TJP1: variants seen among roughly 807,000 people sequenced by gnomAD.
TJP1 encodes the protein tight junction protein 1, also known as tight junction protein ZO-1.
A neutral mutation model predicts 194.2 loss-of-function variants in TJP1; 43 were observed. The ratio of observed to expected loss-of-function variants is 0.22; its 90% CI spans 0.17 to 0.29. The LOEUF (loss-of-function observed/expected upper bound fraction) is 0.29. TJP1 is among the 10% of genes least tolerant of loss of function. TJP1 has a pLI of 1.00. For missense variants in TJP1, 1,971 were observed against 2,185.7 expected, an observed-to-expected ratio of 0.90 and a Z score of 1.96; for synonymous variants, 801 against 779.0, an observed-to-expected ratio of 1.03 and a Z score of -0.47.
At chr15:29,768,041 A>G (rs2046430355) in intron 4 of TJP1, among the ~76,000 whole-genome samples, 1 of 152,190 alleles carries the variant, frequency 6.6e-6, no homozygotes, top group African/African-American at 2.4e-5. Flanking sequence ...ATTCACCTGC[A>G]TGTTATCATC....
chr15:29,797,071 G>C (rs1207823126), intron 2 of TJP1, among the ~76,000 whole-genome samples: 2 of 152,112 alleles, frequency 1.3e-5, no homozygotes, highest in Non-Finnish European at 2.9e-5. Flanking sequence ...TTTTGGGTTT[G>C]GCAAAGATTT....
chr15:29,953,139 G>GTTTTTTT (rs1406936700), intron 2 of TJP1, among the ~76,000 whole-genome samples: 32 of 64,758 alleles, frequency 4.9e-4, no homozygotes, highest in Admixed American at 3.6e-3. Context: ...AAAGAAGACA[G>GTTTTTTT]ATTTTTTTTT....
At chr15:29,770,838 TTAAA>T (rs1340761659) in intron 4 of TJP1, among the ~76,000 whole-genome samples, 4 of 151,882 alleles carry the variant, frequency 2.6e-5, no homozygotes, top group African/African-American at 9.7e-5. Flanking sequence ...GAAAGAAGAC[TTAAA>T]TAAATTTTAT....
chr15:29,933,378 A>G (rs2054781731), intron 2 of TJP1, among the ~76,000 whole-genome samples: 1 of 152,228 alleles, frequency 6.6e-6, no homozygotes, highest in Admixed American at 6.5e-5. Context: ...AAGGAGCAGA[A>G]TAATATGTTG....
At chr15:29,948,032 C>G (rs1420479687) in intron 2 of TJP1, among the ~76,000 whole-genome samples, 1 of 152,090 alleles carries the variant, frequency 6.6e-6, no homozygotes, top group Non-Finnish European at 1.5e-5. Context: ...TTTGGGAGGC[C>G]AAGGTGGGCG....
chr15:29,873,898 A>G (rs1031621224), intron 2 of TJP1, among the ~76,000 whole-genome samples: 4 of 152,232 alleles, frequency 2.6e-5, no homozygotes, highest in African/African-American at 9.6e-5. Flanking sequence ...TTTGCTGAGA[A>G]CAAGAAGTAC....
chr15:29,807,450 G>A (rs969632492), intron 1 of TJP1, among the ~76,000 whole-genome samples: 2 of 152,146 alleles, frequency 1.3e-5, no homozygotes, highest in Non-Finnish European at 2.9e-5. Flanking sequence ...TCTTCTAAAG[G>A]TTGAAGATAG....
At chr15:29,746,515 G>A (rs1367587010) in intron 8 of TJP1, among the ~76,000 whole-genome samples, 1 of 152,104 alleles carries the variant, frequency 6.6e-6, no homozygotes, top group East Asian at 1.9e-4. Flanking sequence ...GTTTGCACAT[G>A]CCCATGTACA....
intron 2 of TJP1, among the ~76,000 whole-genome samples, chr15:29,867,227 C>G (rs185899041): frequency 6.6e-6 from 1 of 152,292 alleles, no homozygotes; most frequent in East Asian, 1.9e-4. Context: ...ACCAGACATG[C>G]TGTTTGTGGC....
intron 1 of TJP1, among the ~76,000 whole-genome samples, chr15:29,959,075 C>T (rs1265542678): frequency 6.6e-6 from 1 of 151,810 alleles, no homozygotes. Flanking sequence ...CTGCAAGCTC[C>T]GTCTCCTGGG....
At chr15:29,807,018 G>A (rs555075133) in intron 1 of TJP1, among the ~76,000 whole-genome samples, 1 of 152,140 alleles carries the variant, frequency 6.6e-6, no homozygotes, top group African/African-American at 2.4e-5. Flanking sequence ...AAAATAAGAA[G>A]GCAGCAACCA....
At chr15:29,933,675 T>C (rs2054791413) in intron 2 of TJP1, among the ~76,000 whole-genome samples, 1 of 152,046 alleles carries the variant, frequency 6.6e-6, no homozygotes, top group South Asian at 2.1e-4. Context: ...AGGTGGCAAA[T>C]CAAGCTTTTT....
At chr15:29,700,034 C>T (rs1015998165), downstream of TJP1, 1 of 349,238 alleles carries the variant, frequency 2.9e-6, no homozygotes, top group African/African-American at 2.1e-5. Flanking sequence ...GCATGCAACA[C>T]CAGACGACGA....
intron 1 of TJP1, among the ~76,000 whole-genome samples, chr15:29,806,623 AT>A (rs2049126776): frequency 6.6e-6 from 1 of 152,146 alleles, no homozygotes; most frequent in Non-Finnish European, 1.5e-5. Context: ...GCTTTTTTCC[AT>A]CCAAATTGAA....
Position 29,719,897 on chromosome 15 carries a change from T to C in TJP1, c.2883A>G (p.Pro961=), listed in dbSNP as rs751924988. ...LTNVRLEEPT[P]APSTSYSPQA... ...GTGGTGAGTAAGAGGTGGAAGGAGC[T>C]GGGGTGGGCTCCTCCAGTCTGACAT... is the stretch of plus-strand genomic sequence containing the variant. Residue 961 remains proline, a synonymous_variant, in exon 20 of 28, where the codon CCA becomes CCG. Coordinates refer to ENST00000614355, the MANE Select transcript of TJP1 (RefSeq NM_001330239.4). 3 of 1,613,924 alleles carry C rather than the reference T, an allele frequency of 1.9e-6. No individual in the cohort carries two copies. Among genetic ancestry groups the C allele is most frequent in the Non-Finnish European group, 2.5e-6 (3 of 1,180,004 alleles).
At chr15:29,926,300 T>C (rs934711027) in intron 2 of TJP1, among the ~76,000 whole-genome samples, 1 of 152,128 alleles carries the variant, frequency 6.6e-6, no homozygotes, top group Non-Finnish European at 1.5e-5. Flanking sequence ...CATGAACCTA[T>C]CAAATAGTAA....
At chr15:29,778,048 A>C (rs949718994) in intron 2 of TJP1, among the ~76,000 whole-genome samples, 17 of 152,162 alleles carry the variant, frequency 1.1e-4, no homozygotes, top group Admixed American at 2.0e-4. Flanking sequence ...ATTAAAAAAA[A>C]CCAAAAACAT....
chr15:29,763,201 G>A (rs564938651), intron 5 of TJP1, among the ~76,000 whole-genome samples: 5 of 152,258 alleles, frequency 3.3e-5, no homozygotes, highest in South Asian at 4.2e-4. Context: ...ACATCACTCC[G>A]TCTGTGGGTA....
At chr15:29,962,092 C>T (rs1187016412) in intron 1 of TJP1, among the ~76,000 whole-genome samples, 1 of 152,206 alleles carries the variant, frequency 6.6e-6, no homozygotes, top group Non-Finnish European at 1.5e-5. Context: ...ACATGGGACT[C>T]GGTCCTTAGC....
Sources: gnomAD v4.1 joint callset for allele counts (sites outside exome capture counted in the v4.1 genomes callset) on GRCh38, gnomAD v4.1.1 for gene constraint, MANE v1.5 for transcripts, NCBI Gene and HGNC (gene_info 2026-07-23, HGNC 2026-07-21) for gene names.